TMEM51: variants seen among roughly 807,000 people sequenced by gnomAD.
The protein encoded by TMEM51 is transmembrane protein 51, also known as chromosome 1 open reading frame 72.
TMEM51 carries 8 observed loss-of-function variants against 13.6 expected under a neutral mutation model. The ratio of observed to expected loss-of-function variants is 0.59; its 90% CI spans 0.35 to 1.07. The LOEUF is 1.07. Ranked by LOEUF, TMEM51 falls within the 50% of genes least tolerant of loss-of-function variation. The pLI is 0.02. For synonymous variants in TMEM51, 147 were observed against 144.4 expected (o/e 1.02, Z -0.13); for missense variants, 279 against 330.7 (o/e 0.84, Z 1.21).
At chr1:15,189,648 GTTA>G (rs1188632371) in intron 1 of TMEM51, among the ~76,000 whole-genome samples, 1 of 152,178 alleles carries the variant, frequency 6.6e-6, no homozygotes, top group African/African-American at 2.4e-5. Flanking sequence ...CACAGTGCTG[GTTA>G]TGAGCCTGTG....
chr1:15,170,267 C>T (rs1427564370), intron 1 of TMEM51, among the ~76,000 whole-genome samples: 2 of 152,116 alleles, frequency 1.3e-5, no homozygotes, highest in East Asian at 3.9e-4. Flanking sequence ...CATGAGCAAG[C>T]CAACTTCCTC....
chr1:15,168,504 C>A, intron 1 of TMEM51: 1 of 1,304,378 alleles, frequency 7.7e-7, no homozygotes, highest in Non-Finnish European at 1.0e-6. Flanking sequence ...ATTATTGCCC[C>A]TTGGTTTTAT....
At chr1:15,205,424 C>G (rs1453297098) in intron 1 of TMEM51, among the ~76,000 whole-genome samples, 2 of 152,164 alleles carry the variant, frequency 1.3e-5, no homozygotes, top group African/African-American at 2.4e-5. Context: ...CCTGGAATAT[C>G]CTGATCTCTT....
At chr1:15,170,753 G>C (rs1643235187) in intron 1 of TMEM51, among the ~76,000 whole-genome samples, 1 of 151,924 alleles carries the variant, frequency 6.6e-6, no homozygotes, top group Non-Finnish European at 1.5e-5. Flanking sequence ...TTTTGAGACG[G>C]AGTCTCCCTC....
At chr1:15,194,070 G>C (rs781693245) in intron 1 of TMEM51, among the ~76,000 whole-genome samples, 4 of 152,216 alleles carry the variant, frequency 2.6e-5, no homozygotes, top group African/African-American at 9.7e-5. Context: ...TGCCAGGCTT[G>C]TTCTTGGACT....
chr1:15,185,879 T>C (rs1028859703), intron 1 of TMEM51, among the ~76,000 whole-genome samples: 4 of 152,066 alleles, frequency 2.6e-5, no homozygotes, highest in Admixed American at 6.5e-5. Context: ...CATCCTCCTA[T>C]TATCCATGCT....
At chr1:15,171,240 G>C in intron 1 of TMEM51, 1 of 1,304,224 alleles carries the variant, frequency 7.7e-7, no homozygotes, top group African/African-American at 1.5e-5. Flanking sequence ...ATCGCTGTTT[G>C]AGATCAAAAG....
At chr1:15,167,079 G>A (rs1394843055) in intron 1 of TMEM51, among the ~76,000 whole-genome samples, 1 of 152,140 alleles carries the variant, frequency 6.6e-6, no homozygotes, top group Non-Finnish European at 1.5e-5. Context: ...TGTAATCCCA[G>A]CACTTTGGGA....
intron 1 of TMEM51, among the ~76,000 whole-genome samples, chr1:15,180,119 G>C (rs1003617423): frequency 6.6e-6 from 1 of 152,246 alleles, no homozygotes; most frequent in Non-Finnish European, 1.5e-5. Flanking sequence ...CAAGTGCTGA[G>C]TGTTGATGCC....
At chr1:15,160,778 G>GA (rs398049124) in intron 1 of TMEM51, among the ~76,000 whole-genome samples, 1 of 151,714 alleles carries the variant, frequency 6.6e-6, no homozygotes, top group Admixed American at 6.6e-5. Context: ...CTAAACACCG[G>GA]CGCCATCACT....
chr1:15,219,536 C>T lies in TMEM51; in HGVS notation c.555C>T (p.Asn185=), dbSNP rs369757007. ...TRADVEASPG[N]PPDRQNSKLA... is the part of the protein sequence containing the mutation. The stretch of plus-strand genomic sequence containing the variant: ...CTGACGTGGAGGCCAGCCCTGGGAA[C>T]CCCCCTGACAGGCAGAACTCTAAGT... Residue 185 remains asparagine, a synonymous_variant, in exon 4 of 4, where the codon AAC becomes AAT. Coordinates refer to ENST00000376008, the MANE Select transcript of TMEM51 (RefSeq NM_001136218.2). The T allele has an allele frequency of 7.9e-5, 127 of 1,613,972 alleles. No individual in the cohort carries two copies. The highest frequency in any genetic ancestry group is 1.1e-4 in the Non-Finnish European group (125 of 1,180,032).
chr1:15,153,880 G>C lies in TMEM51; in HGVS notation c.-341G>C, dbSNP rs1411197317. ...GGCGCCCACCGAGGAGGCCGCCCGG[G>C]TGGGGCGCGGGGGTCGCGAAGCCCG... On this transcript the variant is annotated 5_prime_UTR_variant, in exon 1 of 4. Coordinates refer to ENST00000376008, the MANE Select transcript of TMEM51 (RefSeq NM_001136218.2). 1.3e-5 allele frequency: 2 copies of C among 152,000 alleles called. No homozygotes were observed. Among genetic ancestry groups the C allele is most frequent in the East Asian group, 3.9e-4 (2 of 5,136 alleles). 9.4% of individuals were successfully genotyped at this position (152,000 alleles called of 1,614,324 possible).
chr1:15,171,354 T>C, intron 1 of TMEM51: 2 of 1,280,042 alleles, frequency 1.6e-6, no homozygotes, highest in South Asian at 1.3e-5. Context: ...TTAGTTCTTA[T>C]GCATTCATAG....
intron 2 of TMEM51, among the ~76,000 whole-genome samples, chr1:15,214,006 C>CTTTT (rs367871717): frequency 8.1e-6 from 1 of 124,194 alleles, no homozygotes; most frequent in African/African-American, 3.1e-5. Context: ...AGCACCCAGC[C>CTTTT]TTTTTTTTTT....
chr1:15,218,559 G>C (rs776898249), intron 3 of TMEM51, among the ~76,000 whole-genome samples: 9 of 152,134 alleles, frequency 5.9e-5, no homozygotes, highest in African/African-American at 9.7e-5. Flanking sequence ...ATAATAGTGA[G>C]ATAGAAAACA....
chr1:15,216,630 G>C (rs1281857312), intron 3 of TMEM51, among the ~76,000 whole-genome samples: 2 of 152,148 alleles, frequency 1.3e-5, no homozygotes, highest in East Asian at 3.9e-4. Flanking sequence ...TTATCCCTGG[G>C]AGACAGTCCC....
At chr1:15,158,032 ATCC>A (rs1642646126) in intron 1 of TMEM51, among the ~76,000 whole-genome samples, 1 of 152,032 alleles carries the variant, frequency 6.6e-6, no homozygotes, top group Non-Finnish European at 1.5e-5. Flanking sequence ...GGCTCAAGTG[ATCC>A]TCCCACCTCA....
chr1:15,201,808 G>T (rs1034643477), intron 1 of TMEM51, among the ~76,000 whole-genome samples: 2 of 152,156 alleles, frequency 1.3e-5, no homozygotes, highest in African/African-American at 4.8e-5. Context: ...AAAATGTCCA[G>T]ATATGGGCAG....
intron 2 of TMEM51, among the ~76,000 whole-genome samples, chr1:15,212,640 T>G (rs1644360004): frequency 6.6e-6 from 1 of 152,204 alleles, no homozygotes; most frequent in Admixed American, 6.5e-5. Context: ...GGTGCATTCC[T>G]AAGGCTGCCA....
Sources: gnomAD v4.1 joint callset for allele counts (sites outside exome capture counted in the v4.1 genomes callset) on GRCh38, gnomAD v4.1.1 for gene constraint, MANE v1.5 for transcripts, NCBI Gene and HGNC (gene_info 2026-07-23, HGNC 2026-07-21) for gene names.